The following MCF2L variants were observed in gnomAD, a reference collection of about 807,000 sequenced individuals.
The protein encoded by MCF2L is guanine nucleotide exchange factor DBS.
A neutral mutation model predicts 153.4 loss-of-function variants in MCF2L; 97 were observed. That is an observed-to-expected ratio of 0.63 (90% CI 0.54 to 0.75). The LOEUF is 0.75. Ranked by LOEUF, MCF2L falls within the 30% of genes least tolerant of loss-of-function variation. The pLI, the probability that MCF2L is intolerant of heterozygous loss-of-function variation, is 0.00. For missense variants in MCF2L, 1,347 were observed against 1,495.2 expected (o/e 0.90, Z 1.64); for synonymous variants, 659 against 632.2 (o/e 1.04, Z -0.64).
At chr13:112,979,640 G>A (rs1220713027) in intron 1 of MCF2L, 2 of 1,612,650 alleles carry the variant, frequency 1.2e-6, no homozygotes, top group East Asian at 4.5e-5. Flanking sequence ...CCTCCGCTTT[G>A]TAGCAGCCTT....
At chr13:113,087,665 T>G in intron 22 of MCF2L, 42 bp from the exon 23 acceptor site, 1 of 1,520,164 alleles carries the variant, frequency 6.6e-7, no homozygotes. Context: ...AGGCAGTGGG[T>G]TCACTGTGCA....
At position 113,087,226 on chromosome 13, in the gene MCF2L, C is replaced by A; in HGVS notation, c.2374-9C>A. ...CGTCCTGAACACAGCCCTGCTGTCG[C>A]ACATTTAGGGGAATCTCGGCGACCT... On this transcript the variant is annotated splice_polypyrimidine_tract_variant and intron_variant, in intron 21 of 29. Coordinates refer to ENST00000535094, the MANE Select transcript of MCF2L (RefSeq NM_001112732.3). 1.2e-6 allele frequency: 2 copies of A among 1,608,862 alleles called. No homozygotes were observed. Among genetic ancestry groups the A allele is most frequent in the South Asian group, 2.2e-5 (2 of 90,906 alleles).
chr13:113,047,282 C>T (rs979825066), intron 4 of MCF2L: 1 of 152,242 alleles, frequency 6.6e-6, no homozygotes, highest in African/African-American at 2.4e-5. Flanking sequence ...AAAATCCCAT[C>T]CATATCAAGC....
intron 1 of MCF2L, chr13:112,979,451 A>C (rs1362582694): frequency 7.1e-7 from 1 of 1,415,862 alleles, no homozygotes; most frequent in Non-Finnish European, 9.2e-7. Context: ...GAGGTGGCTC[A>C]GCCCTCTTGG....
At chr13:112,984,913 G>GTGATCAGA (rs1384142804) in intron 1 of MCF2L, among the ~76,000 whole-genome samples, 1 of 152,086 alleles carries the variant, frequency 6.6e-6, no homozygotes, top group Non-Finnish European at 1.5e-5. Context: ...ATTTGGGGCC[G>GTGATCAGA]TGATCAGATG....
intron 9 of MCF2L, among the ~76,000 whole-genome samples, chr13:113,073,409 C>T (rs1390590556): frequency 3.3e-5 from 5 of 152,104 alleles, no homozygotes; most frequent in East Asian, 3.9e-4. Flanking sequence ...AGTGGCTGTG[C>T]GTAACATGGA....
intron 2 of MCF2L, among the ~76,000 whole-genome samples, chr13:112,935,236 A>G (rs2081503072): frequency 6.6e-6 from 1 of 152,186 alleles, no homozygotes; most frequent in East Asian, 1.9e-4. Flanking sequence ...TCAGTACAGT[A>G]TTCAATAAAT....
chr13:113,083,924 A>G, intron 17 of MCF2L, 74 bp from the exon 18 acceptor site: 1 of 1,067,714 alleles, frequency 9.4e-7, no homozygotes. Flanking sequence ...CTGAAAAATG[A>G]CGTCCATCCA....
intron 2 of MCF2L, among the ~76,000 whole-genome samples, chr13:112,937,893 C>G (rs2081533285): frequency 7.0e-6 from 1 of 142,318 alleles, no homozygotes; most frequent in African/African-American, 2.6e-5. Context: ...TTCTGATGTG[C>G]TGGTTCAGGT....
At chr13:112,902,822 C>A (rs535936667) in intron 2 of MCF2L, among the ~76,000 whole-genome samples, 2 of 152,330 alleles carry the variant, frequency 1.3e-5, no homozygotes, top group South Asian at 4.1e-4. Context: ...CAGACCAGTG[C>A]CCCTGCCTGG....
At chr13:112,937,188 C>T (rs745964463) in intron 2 of MCF2L, among the ~76,000 whole-genome samples, 4 of 151,960 alleles carry the variant, frequency 2.6e-5, no homozygotes, top group Admixed American at 2.0e-4. Flanking sequence ...CGAGTAGCTG[C>T]GATTATAGGC....
Position 113,045,368 on chromosome 13 carries a change from G to C in MCF2L, c.369+7G>C, listed in dbSNP as rs139076219. The stretch of plus-strand genomic sequence containing the variant: ...GTCCGTCCTGCGCATCGCAGTAAGT[G>C]CCACCCGGGGCTCTGCCCTGCGCCC... On this transcript the variant is annotated splice_region_variant and intron_variant, in intron 4 of 29. Coordinates refer to ENST00000535094, the MANE Select transcript of MCF2L (RefSeq NM_001112732.3). The surrounding 1 kb of genome is among the most constrained non-coding windows in gnomAD (Gnocchi z 4.2). 8.3e-4 allele frequency: 1,346 copies of C among 1,612,382 alleles called. 7 individuals carry two copies. The African/African-American group carries it at 0.016, about 19-fold the overall frequency.
At chr13:113,071,168 T>C (rs2032881744) in intron 9 of MCF2L, among the ~76,000 whole-genome samples, 1 of 152,242 alleles carries the variant, frequency 6.6e-6, no homozygotes, top group Non-Finnish European at 1.5e-5. Context: ...TTCCACGTGC[T>C]TATTTGCCAT....
intron 2 of MCF2L, among the ~76,000 whole-genome samples, chr13:112,929,631 A>T (rs1162010141): frequency 6.6e-6 from 1 of 152,188 alleles, no homozygotes; most frequent in Non-Finnish European, 1.5e-5. Context: ...TGTCAGAATC[A>T]CCAGGTGGGT....
rs1162723126 is a variant in MCF2L, at chr13:112,943,194, C to T, written c.169+40823C>T. ...TTAAAGGATCGCAGGTGACAGCCCT[C>T]AGTGGACTTCTGTCCTCACCATGTT... On this transcript the variant is annotated intron_variant, in intron 2 of 29. Transcript: ENST00000375608. This position sits in a 1 kb window ranked among gnomAD's most constrained non-coding sequence, Gnocchi z 4.2. Among the ~76,000 whole-genome samples the T allele has an allele frequency of 2.0e-5, 3 of 152,240 alleles. No individual in the cohort carries two copies. Among genetic ancestry groups the T allele is most frequent in the Non-Finnish European group, 2.9e-5 (2 of 68,048 alleles).
chr13:113,034,160 T>G (rs1167397542), intron 3 of MCF2L: 1 of 132,440 alleles, frequency 7.6e-6, no homozygotes, highest in Non-Finnish European at 1.6e-5. Context: ...TTTTTGGAGA[T>G]GCGTCTGGCT....
intron 4 of MCF2L, among the ~76,000 whole-genome samples, chr13:113,051,967 C>T (rs2087365100): frequency 6.6e-6 from 1 of 152,196 alleles, no homozygotes; most frequent in Admixed American, 6.5e-5. Flanking sequence ...GGTACTGCCT[C>T]TCAATGCTGC....
At chr13:113,024,033 G>A (rs1451653652) in intron 2 of MCF2L, among the ~76,000 whole-genome samples, 2 of 152,212 alleles carry the variant, frequency 1.3e-5, no homozygotes, top group South Asian at 2.1e-4. Context: ...AATGGACTCC[G>A]TCCGGCCAAG....
intron 4 of MCF2L, among the ~76,000 whole-genome samples, chr13:113,057,549 GT>G (rs1321580275): frequency 2.0e-5 from 3 of 148,812 alleles, no homozygotes; most frequent in Non-Finnish European, 4.5e-5. Flanking sequence ...GTAGCTGCGT[GT>G]TTGCTGTGTG....
Sources: allele counts gnomAD v4.1 joint callset (sites outside exome capture counted in the v4.1 genomes callset), GRCh38; gene constraint gnomAD v4.1.1; non-coding constraint Gnocchi (gnomAD v3.1); transcripts MANE v1.5; gene names NCBI Gene and HGNC (gene_info 2026-07-23, HGNC 2026-07-21).